POU3F3: variants seen among roughly 807,000 people sequenced by gnomAD.
The protein encoded by POU3F3 is POU class 3 homeobox 3.
In POU3F3, 1 loss-of-function variant was observed where a neutral mutation model predicts 8.6. That is an observed-to-expected ratio of 0.12 (90% CI 0.04 to 0.55). The LOEUF is 0.55. POU3F3 is among the 20% of genes least tolerant of loss of function. The probability of loss-of-function intolerance (pLI) is 0.91; values close to 1 mark genes in which losing one functional copy is unlikely to be tolerated. For synonymous variants in POU3F3, 418 were observed against 327.4 expected (o/e 1.28, Z -2.99); for missense variants, 577 against 690.7 (o/e 0.84, Z 1.84).
chr2:104,926,430 G>C, the POU3F3 span, among the ~76,000 whole-genome samples: 2 of 152,160 alleles, frequency 1.3e-5, no homozygotes, highest in African/African-American at 2.4e-5. Flanking sequence ...AGTTAGAATA[G>C]TGATGATTAA....
At chr2:104,915,822 G>A in the POU3F3 span, among the ~76,000 whole-genome samples, 30 of 152,030 alleles carry the variant, frequency 2.0e-4, no homozygotes, top group South Asian at 6.2e-4. Flanking sequence ...GTGGGTTCCT[G>A]GTGAAAATCT....
the POU3F3 span, among the ~76,000 whole-genome samples, chr2:104,899,158 C>G: frequency 6.6e-6 from 1 of 152,192 alleles, no homozygotes; most frequent in Non-Finnish European, 1.5e-5. Flanking sequence ...TGATTCCTCC[C>G]TGACACGGGA....
At chr2:104,872,195 C>G in the POU3F3 span, 1 of 454,994 alleles carries the variant, frequency 2.2e-6, no homozygotes. This position sits in a 1 kb window ranked among gnomAD's most constrained non-coding sequence, Gnocchi z 4.6. Context: ...CTGCGCCCTC[C>G]CTCTCCTCAG....
downstream of POU3F3, among the ~76,000 whole-genome samples, chr2:104,860,125 T>C (rs1676637297): frequency 6.6e-6 from 1 of 152,262 alleles, no homozygotes; most frequent in East Asian, 1.9e-4. Context: ...ACAAAAGAGC[T>C]AACATTAGAT....
chr2:104,902,911 G>A, the POU3F3 span, among the ~76,000 whole-genome samples: 6 of 152,110 alleles, frequency 3.9e-5, 1 homozygote, highest in African/African-American at 1.2e-4. Flanking sequence ...CAGGGCCTCC[G>A]CTTAATTGCC....
At chr2:104,904,588 A>G in the POU3F3 span, among the ~76,000 whole-genome samples, 1 of 151,970 alleles carries the variant, frequency 6.6e-6, no homozygotes, top group Non-Finnish European at 1.5e-5. Context: ...AATGTTCCTT[A>G]CTATAAATGT....
At position 104,857,551 on chromosome 2, in the gene POU3F3, C is replaced by G. The variant is rs964566360; in HGVS notation, c.*538C>G. The G allele has an allele frequency of 6.5e-6, 1 of 153,708 alleles. No homozygotes were observed. Among genetic ancestry groups the G allele is most frequent in the Non-Finnish European group, 1.5e-5 (1 of 68,030 alleles). 9.5% of individuals were successfully genotyped at this position (153,708 alleles called of 1,614,324 possible). A position where few individuals can be genotyped will look rare whatever the true frequency, so the allele number is the denominator to read the frequency against. On this transcript the variant is annotated 3_prime_UTR_variant, in exon 1 of 1. Transcript: ENST00000361360. ...GAAAAAAAGAGAGAGAGAGAGTCCC[C>G]TTTCCTTTCACTTTCTCCCTCCAAA...
rs567749273 is a variant in POU3F3 at position 104,854,231 on chromosome 2, G to A, written c.-1280G>A. ...GGGAGGGAGAGGAAAAGTGAGAGAG[G>A]GAAAGAGAGCGCGAACGAGGGCGCA... On this transcript the variant is annotated 5_prime_UTR_variant, in exon 1 of 1. Coordinates refer to ENST00000361360, the MANE Select transcript of POU3F3 (RefSeq NM_006236.3). The surrounding 1 kb of genome is among the most constrained non-coding windows in gnomAD (Gnocchi z 4.5). Among the ~76,000 whole-genome samples the A allele has an allele frequency of 6.6e-6, 1 of 152,230 alleles. No homozygotes were observed. Among genetic ancestry groups the A allele is most frequent in the African/African-American group, 2.4e-5 (1 of 41,546 alleles).
chr2:104,891,042 C>A, the POU3F3 span, among the ~76,000 whole-genome samples: 47,203 of 152,068 alleles, frequency 0.31, 7,733 homozygotes, highest in East Asian at 0.62. Context: ...CTTATCTGAA[C>A]CTTGAGGCTT....
At chr2:104,920,290 C>G in the POU3F3 span, among the ~76,000 whole-genome samples, 1 of 152,230 alleles carries the variant, frequency 6.6e-6, no homozygotes, top group Admixed American at 6.5e-5. Flanking sequence ...ACTGGGATTA[C>G]AGGCGTGAGC....
At chr2:104,884,055 G>A in the POU3F3 span, among the ~76,000 whole-genome samples, 2 of 152,086 alleles carry the variant, frequency 1.3e-5, no homozygotes, top group South Asian at 4.1e-4. Flanking sequence ...TTACCTGTGG[G>A]GACTGATGAG....
At position 104,854,399 on chromosome 2, in the gene POU3F3, C is replaced by G. The variant is rs1676505485; in HGVS notation, c.-1112C>G. On this transcript the variant is annotated 5_prime_UTR_variant, in exon 1 of 1. Coordinates refer to ENST00000361360, the MANE Select transcript of POU3F3 (RefSeq NM_006236.3). The surrounding 1 kb of genome is among the most constrained non-coding windows in gnomAD (Gnocchi z 4.5). ...CCTATATGCACACACACACCTCCAC[C>G]TCCACCAATGCACTCTTCTTCCTCC... Among the ~76,000 whole-genome samples, 2 of 152,204 alleles carry G rather than the reference C, an allele frequency of 1.3e-5. No individual in the cohort carries two copies.
At chr2:104,859,594 C>T (rs1676632335), downstream of POU3F3, among the ~76,000 whole-genome samples, 1 of 152,108 alleles carries the variant, frequency 6.6e-6, no homozygotes, top group Admixed American at 6.6e-5. Flanking sequence ...GTTAAAAAAC[C>T]CGGAAAACTG....
chr2:104,881,776 C>T, the POU3F3 span, among the ~76,000 whole-genome samples: 2 of 152,170 alleles, frequency 1.3e-5, no homozygotes, highest in Non-Finnish European at 1.5e-5. Context: ...CTCACAGGAA[C>T]GCATGTGCTT....
chr2:104,899,524 A>G, the POU3F3 span, among the ~76,000 whole-genome samples: 1 of 152,202 alleles, frequency 6.6e-6, no homozygotes, highest in East Asian at 1.9e-4. Context: ...GATCAGATTA[A>G]TACCCTGGAT....
At chr2:104,886,887 G>A in the POU3F3 span, among the ~76,000 whole-genome samples, 1 of 151,754 alleles carries the variant, frequency 6.6e-6, no homozygotes, top group African/African-American at 2.4e-5. Context: ...CAGACTGGGT[G>A]ACAAGAGTGA....
chr2:104,879,948 G>A, the POU3F3 span, among the ~76,000 whole-genome samples: 1 of 152,128 alleles, frequency 6.6e-6, no homozygotes, highest in Non-Finnish European at 1.5e-5. Context: ...CTATACGATA[G>A]AATACAAAAT....
At chr2:104,921,585 C>T in the POU3F3 span, among the ~76,000 whole-genome samples, 3 of 152,110 alleles carry the variant, frequency 2.0e-5, no homozygotes, top group Admixed American at 1.3e-4. Flanking sequence ...CAAAAAGGAC[C>T]CTTCTCCTCT....
chr2:104,916,937 G>A, the POU3F3 span, among the ~76,000 whole-genome samples: 213 of 152,334 alleles, frequency 1.4e-3, no homozygotes, highest in Non-Finnish European at 2.4e-3. Context: ...CAGTAAACAA[G>A]ATCAGCTGTC....
Sources: allele counts gnomAD v4.1 joint callset (sites outside exome capture counted in the v4.1 genomes callset), GRCh38; gene constraint gnomAD v4.1.1; non-coding constraint Gnocchi (gnomAD v3.1); transcripts MANE v1.5; gene names NCBI Gene and HGNC (gene_info 2026-07-23, HGNC 2026-07-21).